PKDCC: variants seen among roughly 807,000 people sequenced by gnomAD.
PKDCC encodes the protein protein kinase domain containing, cytoplasmic.
In PKDCC, 35 loss-of-function variants were observed where a neutral mutation model predicts 44.7. The ratio of observed to expected loss-of-function variants is 0.78; its 90% CI spans 0.60 to 1.04. PKDCC has a LOEUF of 1.04. PKDCC is among the 50% of genes least tolerant of loss of function. The probability of loss-of-function intolerance (pLI) is 0.00; values close to 1 mark genes in which losing one functional copy is unlikely to be tolerated. For synonymous variants in PKDCC, 353 were observed against 303.3 expected (o/e 1.16, Z -1.70); for missense variants, 738 against 672.7 (o/e 1.10, Z -1.07).
In PKDCC at chr2:42,055,116, C is replaced by G. The variant is rs1211470508; in HGVS notation, c.1114+96C>G. 7.1e-7 allele frequency: 1 copy of G among 1,410,442 alleles called. No individual in the cohort carries two copies. The highest frequency in any genetic ancestry group is 2.3e-5 in the East Asian group (1 of 43,574). The allele number at this position is 1,410,442 out of a possible 1,614,324, so 87.4% of individuals were successfully genotyped here. A position where few individuals can be genotyped will look rare whatever the true frequency, so the allele number is the denominator to read the frequency against. On this transcript the variant is annotated intron_variant, in intron 4 of 6. Coordinates refer to ENST00000294964, the MANE Select transcript of PKDCC (RefSeq NM_138370.3). The surrounding 1 kb of genome is among the most constrained non-coding windows in gnomAD (Gnocchi z 4.5). ...AAAATAACCCAGGGCAGCAGGGGTT[C>G]TAGAAACCATCACTTCCTAAGGTGG...
In PKDCC at chr2:42,048,082, G is replaced by A. The variant is rs1211182627; in HGVS notation, c.-118G>A. 2 of 547,878 alleles carry A rather than the reference G, an allele frequency of 3.7e-6. No individual in the cohort carries two copies. The highest frequency in any genetic ancestry group is 4.2e-5 in the African/African-American group (2 of 47,816). The allele number at this position is 547,878 out of a possible 1,614,324, so 33.9% of individuals were successfully genotyped here. ...CCGGGGTCGGGGCCGCCGGGGCCAT[G>A]CGCGCGGGCTGGGCAGGGGGCCGGC... On this transcript the variant is annotated 5_prime_UTR_variant, in exon 1 of 7. An upstream start codon of the reference 5' UTR is lost. Transcript: ENST00000294964. This position sits in a 1 kb window ranked among gnomAD's most constrained non-coding sequence, Gnocchi z 6.2.
chr2:42,055,566 C>G lies in PKDCC; in HGVS notation c.1222+173C>G. 1.7e-6 allele frequency: 1 copy of G among 603,922 alleles called. No individual in the cohort carries two copies. The highest frequency in any genetic ancestry group is 2.9e-6 in the Non-Finnish European group (1 of 340,648). The allele number at this position is 603,922 out of a possible 1,614,324, so 37.4% of individuals were successfully genotyped here. ...GGCTGACATGGACTAATTTGAGGTT[C>G]CATCTCTAGCTGAGCTAGAGCAACT... is the stretch of plus-strand genomic sequence containing the variant. On this transcript the variant is annotated intron_variant, in intron 5 of 6. Coordinates refer to ENST00000294964, the MANE Select transcript of PKDCC (RefSeq NM_138370.3). The surrounding 1 kb of genome is among the most constrained non-coding windows in gnomAD (Gnocchi z 4.5).
Position 42,048,293 on chromosome 2 carries a change from C to T in PKDCC, c.94C>T (p.Pro32Ser). The T allele has an allele frequency of 1.6e-6, 2 of 1,262,604 alleles. No homozygotes were observed. The highest frequency in any genetic ancestry group is 2.1e-5 in the South Asian group (1 of 47,704). 78.2% of individuals were successfully genotyped at this position (1,262,604 alleles called of 1,614,324 possible). A position where few individuals can be genotyped will look rare whatever the true frequency, so the allele number is the denominator to read the frequency against. ...CGTGCTCTTCGCTCCGGGCTCGGAG[C>T]CTCCGAGGCCAGGCCAGTCCCCTGA... ...LNVLFAPGSE[P>S]PRPGQSPEPS... The change falls in exon 1 of 7, where the codon CCT becomes TCT. Residue 32 changes from proline (P) to serine (S), a missense_variant. Physicochemically the swap from Pro to Ser is moderately conservative, Grantham distance 74 (BLOSUM62 -1). Transcript: ENST00000294964. The surrounding 1 kb of genome is among the most constrained non-coding windows in gnomAD (Gnocchi z 6.2).
In PKDCC at chr2:42,051,938, C is replaced by T. The variant is rs576712027; in HGVS notation, c.640-1301C>T. On this transcript the variant is annotated intron_variant, in intron 1 of 6. Transcript: ENST00000294964. The surrounding 1 kb of genome is among the most constrained non-coding windows in gnomAD (Gnocchi z 4.2). ...CCGCATAGCTCTCCTCTCCCTGAGT[C>T]GGGCCTGGACAACTCAGCCTTCGTG... Among the ~76,000 whole-genome samples, 1 of 152,104 alleles carries T rather than the reference C, an allele frequency of 6.6e-6. No homozygotes were observed. Among genetic ancestry groups the T allele is most frequent in the South Asian group, 2.1e-4 (1 of 4,824 alleles).
chr2:42,057,040 T>G (rs1426008806), intron 5 of PKDCC, among the ~76,000 whole-genome samples, 181 bp from the exon 6 acceptor site: 5 of 152,232 alleles, frequency 3.3e-5, no homozygotes, highest in Admixed American at 1.3e-4. Flanking sequence ...TTGTCTTTAT[T>G]GAGCAGTCAG....
Position 42,054,098 on chromosome 2 carries a change from T to G in PKDCC, c.825T>G (p.Thr275=), listed in dbSNP as rs1375868521. Residue 275 remains threonine (T), a synonymous_variant, in exon 3 of 7, where the codon ACT becomes ACG. Coordinates refer to ENST00000294964, the MANE Select transcript of PKDCC (RefSeq NM_138370.3). The surrounding 1 kb of genome is among the most constrained non-coding windows in gnomAD (Gnocchi z 6.1). Reference sequence around the variant, plus strand: ...CCCACTCCCCACTGGGCTCCGTCACTCTGCTGGACTTCCGCCCTCGGCAGT... The same window carrying G: ...CCCACTCCCCACTGGGCTCCGTCACGCTGCTGGACTTCCGCCCTCGGCAGT... ...HLAHSPLGSV[T]LLDFRPRQFV... is the part of the protein sequence containing the mutation. The G allele has an allele frequency of 1.9e-6, 3 of 1,612,896 alleles. No homozygotes were observed. The Admixed American group carries it at 5.0e-5, about 27-fold the overall frequency.
Position 42,048,399 on chromosome 2 carries a change from T to C in PKDCC, c.200T>C (p.Val67Ala). 8.7e-7 allele frequency: 1 copy of C among 1,151,432 alleles called. No homozygotes were observed. The highest frequency in any genetic ancestry group is 1.1e-6 in the Non-Finnish European group (1 of 940,726). The allele number at this position is 1,151,432 out of a possible 1,614,324, so 71.3% of individuals were successfully genotyped here. A position where few individuals can be genotyped will look rare whatever the true frequency, so the allele number is the denominator to read the frequency against. ...CAGATCCGGGCGCGCTACGAGGAGG[T>C]GCAGCGCTATTCCCGCGGGGGCCCC... The part of the protein sequence containing the change: ...ARQIRARYEE[V>A]QRYSRGGPGP... Residue 67 changes from valine to alanine, a missense_variant, in exon 1 of 7, where the codon GTG (valine) becomes GCG (alanine). By Grantham distance (64) the Val-to-Ala change is moderately conservative. Transcript: ENST00000294964. This position sits in a 1 kb window ranked among gnomAD's most constrained non-coding sequence, Gnocchi z 6.2.
In PKDCC at chr2:42,048,988, C is replaced by T; in HGVS notation, c.639+150C>T. ...AGAAACCGGACCATGGCCCTTCCCA[C>T]TGCACCACCCTGCTTCTCACTCCTG... On this transcript the variant is annotated intron_variant, in intron 1 of 6. Transcript: ENST00000294964. This position sits in a 1 kb window ranked among gnomAD's most constrained non-coding sequence, Gnocchi z 6.2. 1.6e-6 allele frequency: 2 copies of T among 1,249,204 alleles called. No individual in the cohort carries two copies. The highest frequency in any genetic ancestry group is 2.1e-6 in the Non-Finnish European group (2 of 971,974). 77.4% of individuals were successfully genotyped at this position (1,249,204 alleles called of 1,614,324 possible).
rs764255118 is a variant in PKDCC, at chr2:42,054,521, G to A, written c.1034+214G>A. The stretch of plus-strand genomic sequence containing the variant: ...CCAAGGAGAATCCGGGTTAGGGGGT[G>A]GCAGCTGGAGGCTTCTTAAAATAGT... On this transcript the variant is annotated intron_variant, in intron 3 of 6. Coordinates refer to ENST00000294964, the MANE Select transcript of PKDCC (RefSeq NM_138370.3). The surrounding 1 kb of genome is among the most constrained non-coding windows in gnomAD (Gnocchi z 6.1). 3.9e-4 allele frequency: 235 copies of A among 609,806 alleles called. 1 individual carries two copies. Among genetic ancestry groups the A allele is most frequent in the Admixed American group, 1.1e-3 (34 of 32,116 alleles). The allele number at this position is 609,806 out of a possible 1,614,324, so 37.8% of individuals were successfully genotyped here. A position where few individuals can be genotyped will look rare whatever the true frequency, so the allele number is the denominator to read the frequency against.
chr2:42,053,554 T>C, intron 2 of PKDCC, 193 bp downstream of exon 2: 1 of 743,902 alleles, frequency 1.3e-6, no homozygotes, highest in Non-Finnish European at 2.1e-6. Flanking sequence ...CGACATGCTG[T>C]GCTCTTGCCC....
At position 42,055,335 on chromosome 2, in the gene PKDCC, G is replaced by T. The variant is rs1328727392; in HGVS notation, c.1164G>T (p.Val388=). The T allele has an allele frequency of 4.3e-6, 7 of 1,613,674 alleles. No homozygotes were observed. Among genetic ancestry groups the T allele is most frequent in the Middle Eastern group, 1.6e-4 (1 of 6,082 alleles). ...AGACCCTGGCCCAGCTGGAGAAGGT[G>T]CTGCACCTGTACCGGAGCGGGCAGT... ...VDETLAQLEK[V]LHLYRSGQYL... The change falls in exon 5 of 7, where the codon GTG becomes GTT. Residue 388 remains valine (V), a synonymous_variant. Transcript: ENST00000294964. This position sits in a 1 kb window ranked among gnomAD's most constrained non-coding sequence, Gnocchi z 4.5.
chr2:42,049,375 C>G (rs1386289524), intron 1 of PKDCC, among the ~76,000 whole-genome samples: 1 of 152,040 alleles, frequency 6.6e-6, no homozygotes, highest in African/African-American at 2.4e-5. Context: ...AGTCTCCCCA[C>G]CCACCCACCT....
chr2:42,053,618 T>A, intron 2 of PKDCC: 1 of 544,082 alleles, frequency 1.8e-6, no homozygotes. Flanking sequence ...GCTGGCACCT[T>A]AAAGAGGGGA....
At position 42,054,676 on chromosome 2, in the gene PKDCC, T is replaced by TA. The variant is rs772738523; in HGVS notation, c.1035-263dup. 1 of 561,828 alleles carries TA rather than the reference T, an allele frequency of 1.8e-6. No individual in the cohort carries two copies. 34.8% of individuals were successfully genotyped at this position (561,828 alleles called of 1,614,324 possible). A position where few individuals can be genotyped will look rare whatever the true frequency, so the allele number is the denominator to read the frequency against. ...CCGACACCGGGAGTCAGTCAGGGGA[T>TA]AATGTGGGGCTGGGAGGTGGGCAAG... On this transcript the variant is annotated intron_variant, in intron 3 of 6. Coordinates refer to ENST00000294964, the MANE Select transcript of PKDCC (RefSeq NM_138370.3). The surrounding 1 kb of genome is among the most constrained non-coding windows in gnomAD (Gnocchi z 6.1).
rs367778595 is a variant in PKDCC, at chr2:42,054,099, C to G, written c.826C>G (p.Leu276Val). 1 of 1,612,958 alleles carries G rather than the reference C, an allele frequency of 6.2e-7. No individual in the cohort carries two copies. The highest frequency in any genetic ancestry group is 1.3e-5 in the African/African-American group (1 of 75,024). The stretch of plus-strand genomic sequence containing the variant: ...CCACTCCCCACTGGGCTCCGTCACT[C>G]TGCTGGACTTCCGCCCTCGGCAGTT... ...LAHSPLGSVT[L>V]LDFRPRQFVL... Residue 276 changes from leucine to valine, a missense_variant, in exon 3 of 7, where the codon CTG (leucine) becomes GTG (valine). Leu to Val is a conservative substitution (Grantham distance 32, BLOSUM62 1). Transcript: ENST00000294964. The surrounding 1 kb of genome is among the most constrained non-coding windows in gnomAD (Gnocchi z 6.1).
At chr2:42,053,040 C>A (rs1428938330) in intron 1 of PKDCC, among the ~76,000 whole-genome samples, 199 bp from the exon 2 acceptor site, 2 of 152,216 alleles carry the variant, frequency 1.3e-5, no homozygotes, top group African/African-American at 4.8e-5. Context: ...GGGTGAGGGG[C>A]TGACATGGTC....
At chr2:42,050,211 G>A (rs116763192) in intron 1 of PKDCC, among the ~76,000 whole-genome samples, 12 of 152,212 alleles carry the variant, frequency 7.9e-5, no homozygotes, top group Non-Finnish European at 1.6e-4. Context: ...AGTGAAGCCT[G>A]GCTGCACAGC....
At position 42,048,576 on chromosome 2, in the gene PKDCC, C is replaced by G. The variant is rs1284502828; in HGVS notation, c.377C>G (p.Pro126Arg). 1.4e-6 allele frequency: 2 copies of G among 1,383,216 alleles called. No individual in the cohort carries two copies. Among genetic ancestry groups the G allele is most frequent in the Non-Finnish European group, 1.9e-6 (2 of 1,067,700 alleles). The allele number at this position is 1,383,216 out of a possible 1,614,324, so 85.7% of individuals were successfully genotyped here. A position where few individuals can be genotyped will look rare whatever the true frequency, so the allele number is the denominator to read the frequency against. ...GCTCCCGGCCCAGGCTCCCCCGGCC[C>G]GGGCCCGCGCCTGGGCTGCGCCGCG... is the stretch of plus-strand genomic sequence containing the variant. ...PPAPGPGSPG[P>R]GPRLGCAALR... The change falls in exon 1 of 7, where the codon CCG (proline) becomes CGG (arginine). Residue 126 changes from proline to arginine, a missense_variant. Transcript: ENST00000294964. This position sits in a 1 kb window ranked among gnomAD's most constrained non-coding sequence, Gnocchi z 6.2.
Position 42,055,087 on chromosome 2 carries a change from G to A in PKDCC, c.1114+67G>A, listed in dbSNP as rs537381343. The A allele has an allele frequency of 1.3e-6, 2 of 1,526,524 alleles. No individual in the cohort carries two copies. Among genetic ancestry groups the A allele is most frequent in the East Asian group, 4.5e-5 (2 of 44,268 alleles). 94.6% of individuals were successfully genotyped at this position (1,526,524 alleles called of 1,614,324 possible). A position where few individuals can be genotyped will look rare whatever the true frequency, so the allele number is the denominator to read the frequency against. On this transcript the variant is annotated intron_variant, in intron 4 of 6. Coordinates refer to ENST00000294964, the MANE Select transcript of PKDCC (RefSeq NM_138370.3). This position sits in a 1 kb window ranked among gnomAD's most constrained non-coding sequence, Gnocchi z 4.5. ...ACCCCCACCCGCCAGCAAAAGTGGG[G>A]AGAAAAATAACCCAGGGCAGCAGGG...
Sources: allele counts gnomAD v4.1 joint callset (sites outside exome capture counted in the v4.1 genomes callset), GRCh38; gene constraint gnomAD v4.1.1; non-coding constraint Gnocchi (gnomAD v3.1); transcripts MANE v1.5; gene names NCBI Gene and HGNC (gene_info 2026-07-23, HGNC 2026-07-21).